Variants in SCRN1 observed in about 807,000 individuals in gnomAD.
SCRN1 encodes secernin-1.
SCRN1 carries 19 observed loss-of-function variants against 43.3 expected under a neutral mutation model. That is an observed-to-expected ratio of 0.44 (90% confidence interval 0.31 to 0.64). The LOEUF is 0.64. Among genes scored for constraint, SCRN1 ranks in the 30% least tolerant of loss-of-function variants. The pLI is 0.09. For missense variants in SCRN1, 447 were observed against 524.1 expected (o/e 0.85, Z 1.44); for synonymous variants, 183 against 188.9 (o/e 0.97, Z 0.26).
intron 4 of SCRN1, among the ~76,000 whole-genome samples, chr7:29,943,354 C>A (rs1042349795): frequency 1.3e-5 from 2 of 152,158 alleles, no homozygotes; most frequent in African/African-American, 4.8e-5. Flanking sequence ...CACTCCCACC[C>A]CTAACACTTA....
chr7:29,927,990 G>A (rs1787025545), intron 6 of SCRN1, among the ~76,000 whole-genome samples: 1 of 152,108 alleles, frequency 6.6e-6, no homozygotes, highest in Non-Finnish European at 1.5e-5. Flanking sequence ...GGATGTGGTG[G>A]AGTGCTCCTG....
chr7:29,943,932 G>T, intron 4 of SCRN1, 45 bp downstream of exon 4: 2 of 1,584,866 alleles, frequency 1.3e-6, no homozygotes, highest in Non-Finnish European at 1.7e-6. Flanking sequence ...CCATCTCTGT[G>T]GCCTTCCCTG....
rs989781063 is a variant in SCRN1, at chr7:29,989,665, C to T, written c.-25G>A. 2.0e-6 allele frequency: 2 copies of T among 985,670 alleles called. No homozygotes were observed. Among genetic ancestry groups the T allele is most frequent in the African/African-American group, 1.7e-5 (1 of 57,376 alleles). The allele number at this position is 985,670 out of a possible 1,614,324, so 61.1% of individuals were successfully genotyped here. A position where few individuals can be genotyped will look rare whatever the true frequency, so the allele number is the denominator to read the frequency against. ...ACCTGGGGCGGCGGGCTCCGGGCTCCGCTCTCCGCTCTGCGGTGCTGAGGC... is the reference window on the plus strand; with the variant it reads ...ACCTGGGGCGGCGGGCTCCGGGCTCTGCTCTCCGCTCTGCGGTGCTGAGGC... On this transcript the variant is annotated 5_prime_UTR_variant, in exon 1 of 8. Coordinates refer to ENST00000242059, the MANE Select transcript of SCRN1 (RefSeq NM_014766.5).
chr7:29,988,889 G>A (rs1789255440), intron 1 of SCRN1: 1 of 152,278 alleles, frequency 6.6e-6, no homozygotes, highest in African/African-American at 2.4e-5. Context: ...CTGCTTTGCA[G>A]ACCACATTTC....
intron 6 of SCRN1, among the ~76,000 whole-genome samples, chr7:29,934,586 A>G (rs1787261377): frequency 6.6e-6 from 1 of 152,212 alleles, no homozygotes; most frequent in South Asian, 2.1e-4. Flanking sequence ...TAGGGGAGCA[A>G]ACTAGGTCAC....
intron 2 of SCRN1, among the ~76,000 whole-genome samples, 172 bp from the exon 3 acceptor site, chr7:29,955,532 G>T (rs944561893): frequency 6.6e-6 from 1 of 152,196 alleles, no homozygotes; most frequent in African/African-American, 2.4e-5. Context: ...AAGTCTCCAT[G>T]GTGAGTTTCA....
At chr7:29,960,759 T>A (rs145097877) in intron 2 of SCRN1, among the ~76,000 whole-genome samples, 9 of 152,162 alleles carry the variant, frequency 5.9e-5, no homozygotes, top group African/African-American at 1.9e-4. Flanking sequence ...CAGGAAGTTA[T>A]TCCTCTGCTT....
intron 2 of SCRN1, among the ~76,000 whole-genome samples, chr7:29,966,204 A>AGAGAGAGAGAGAGAGG (rs1554360370): frequency 6.9e-6 from 1 of 145,594 alleles, no homozygotes; most frequent in African/African-American, 2.6e-5. Context: ...AGAGAGAGAG[A>AGAGAGAGAGAGAGAGG]AGCTGTATCC....
intron 1 of SCRN1, among the ~76,000 whole-genome samples, chr7:29,988,126 A>T (rs1408761031): frequency 1.3e-5 from 2 of 152,202 alleles, no homozygotes; most frequent in Non-Finnish European, 2.9e-5. Flanking sequence ...CGTGTCGCTA[A>T]ATCAGTTCTT....
intron 3 of SCRN1, among the ~76,000 whole-genome samples, chr7:29,953,571 T>G (rs1788028902): frequency 2.0e-5 from 3 of 152,184 alleles, no homozygotes; most frequent in Admixed American, 2.0e-4. Flanking sequence ...ATACATTTCA[T>G]TTTGCTAATC....
At chr7:29,966,267 C>A (rs1215984382) in intron 2 of SCRN1, among the ~76,000 whole-genome samples, 1 of 151,576 alleles carries the variant, frequency 6.6e-6, no homozygotes, top group Non-Finnish European at 1.5e-5. Context: ...CATGCTCCAC[C>A]GGTCAGAGCA....
At chr7:29,934,481 A>G (rs1447286966) in intron 6 of SCRN1, among the ~76,000 whole-genome samples, 1 of 152,214 alleles carries the variant, frequency 6.6e-6, no homozygotes, top group Non-Finnish European at 1.5e-5. Context: ...TACTTCGCAG[A>G]GCATTCCAGA....
At chr7:29,939,218 GT>G (rs1037672752) in intron 5 of SCRN1, among the ~76,000 whole-genome samples, 1 of 151,384 alleles carries the variant, frequency 6.6e-6, no homozygotes, top group Non-Finnish European at 1.5e-5. Context: ...CTTCTTTTTT[GT>G]TTTTTTTAAA....
rs570098720 is a variant in SCRN1, at chr7:29,940,091, G to A, written c.739+591C>T. Among the ~76,000 whole-genome samples, 13 of 152,286 alleles carry A rather than the reference G, an allele frequency of 8.5e-5. No individual in the cohort carries two copies. In the East Asian group the frequency reaches 2.5e-3, roughly 29 times the overall value. ...AGGGAGGATCGCTTGAGTTCAGGAG[G>A]TGGAAGCTGCAGTGAGCCGAGACTG... On this transcript the variant is annotated intron_variant, in intron 5 of 7. Transcript: ENST00000242059.
intron 6 of SCRN1, among the ~76,000 whole-genome samples, chr7:29,933,849 G>T (rs555204885): frequency 3.9e-5 from 6 of 152,188 alleles, no homozygotes; most frequent in Non-Finnish European, 8.8e-5. Flanking sequence ...GTAAGATCAC[G>T]TTTTTTGGTT....
chr7:29,949,470 T>C (rs2128092513), intron 3 of SCRN1, among the ~76,000 whole-genome samples: 1 of 148,152 alleles, frequency 6.7e-6, no homozygotes, highest in Admixed American at 6.7e-5. Context: ...CCTCCCCACC[T>C]GGGTTCAAGC....
chr7:29,951,615 T>G (rs916138076), intron 3 of SCRN1, among the ~76,000 whole-genome samples: 2 of 152,168 alleles, frequency 1.3e-5, no homozygotes, highest in Non-Finnish European at 2.9e-5. Context: ...CATGCAAAAA[T>G]GTGTACGTGT....
intron 1 of SCRN1, among the ~76,000 whole-genome samples, chr7:29,983,031 G>A (rs1185744686): frequency 6.6e-6 from 1 of 151,854 alleles, no homozygotes; most frequent in Non-Finnish European, 1.5e-5. Flanking sequence ...TAGAGACGTG[G>A]TTTCACCATG....
chr7:29,966,034 G>A (rs1053592499), intron 2 of SCRN1, among the ~76,000 whole-genome samples: 6 of 151,854 alleles, frequency 4.0e-5, no homozygotes, highest in South Asian at 4.2e-4. Flanking sequence ...AAACAGCAGG[G>A]ATAATGTGTC....
Sources: gnomAD v4.1 joint callset for allele counts (sites outside exome capture counted in the v4.1 genomes callset) on GRCh38, gnomAD v4.1.1 for gene constraint, MANE v1.5 for transcripts, NCBI Gene and HGNC (gene_info 2026-07-23, HGNC 2026-07-21) for gene names.